Variants in SYCP1 observed in about 807,000 individuals in gnomAD.
SYCP1 encodes the protein synaptonemal complex protein 1, also known as cancer/testis antigen 8.
A neutral mutation model predicts 153.1 loss-of-function variants in SYCP1; 64 were observed. The observed-to-expected ratio is 0.42, with a 90% CI of 0.34 to 0.51. SYCP1 has a LOEUF of 0.51. Among genes scored for constraint, SYCP1 ranks in the 20% least tolerant of loss-of-function variants. The pLI, the probability that SYCP1 is intolerant of heterozygous loss-of-function variation, is 0.06. For missense variants in SYCP1, 997 were observed against 1,049.0 expected (o/e 0.95, Z 0.68); for synonymous variants, 384 against 341.8 (o/e 1.12, Z -1.36).
intron 12 of SYCP1, among the ~76,000 whole-genome samples, chr1:114,881,501 ATCCTTCCTTCCTTCCT>A (rs71093615): frequency 1.9e-5 from 2 of 102,624 alleles, no homozygotes; most frequent in African/African-American, 6.1e-5. Flanking sequence ...GGAAGGTATT[ATCCTTCCTTCCTTCCT>A]TCCTTCCTTC....
In SYCP1 at chr1:114,870,798, T is replaced by C. The variant is rs150127261; in HGVS notation, c.599-3708T>C. On this transcript the variant is annotated intron_variant, in intron 8 of 31. Coordinates refer to ENST00000369522, the MANE Select transcript of SYCP1 (RefSeq NM_003176.4). The stretch of plus-strand genomic sequence containing the variant: ...CTTATAGACAGCATGTAGTTGGGTA[T>C]TGTTTTTTGATCCACTCTGACAATC... Among the ~76,000 whole-genome samples, 1,103 of 152,338 alleles carry C rather than the reference T, an allele frequency of 7.2e-3. 13 individuals carry two copies. The highest frequency in any genetic ancestry group is 0.025 in the African/African-American group (1,041 of 41,566).
chr1:114,901,077 T>C (rs1296172232), intron 16 of SYCP1, among the ~76,000 whole-genome samples: 1 of 152,196 alleles, frequency 6.6e-6, no homozygotes, highest in African/African-American at 2.4e-5. Context: ...TTTAGAGACA[T>C]CACACATATG....
chr1:114,904,354 G>A (rs1202730274), intron 16 of SYCP1, among the ~76,000 whole-genome samples: 2 of 152,168 alleles, frequency 1.3e-5, no homozygotes, highest in East Asian at 1.9e-4. Context: ...CTGACCTTGT[G>A]ATCTGCCCAC....
intron 30 of SYCP1, among the ~76,000 whole-genome samples, chr1:114,993,086 A>T (rs1464726189): frequency 1.3e-5 from 2 of 151,578 alleles, no homozygotes; most frequent in East Asian, 3.9e-4. Flanking sequence ...TTTAAATTGA[A>T]TTAACTTATT....
intron 23 of SYCP1, among the ~76,000 whole-genome samples, chr1:114,928,462 A>G (rs1029917838): frequency 6.6e-6 from 1 of 152,196 alleles, no homozygotes; most frequent in Non-Finnish European, 1.5e-5. Context: ...AATGAAGACA[A>G]CATGACTTCA....
At chr1:114,863,177 G>GT (rs771967012) in intron 8 of SYCP1, 1 of 152,148 alleles carries the variant, frequency 6.6e-6, no homozygotes, top group Non-Finnish European at 1.5e-5. Flanking sequence ...GGGTCAAATG[G>GT]TATTTCTGGT....
chr1:114,875,448 A>G (rs1665454013), intron 9 of SYCP1, among the ~76,000 whole-genome samples: 1 of 151,112 alleles, frequency 6.6e-6, no homozygotes, highest in Non-Finnish European at 1.5e-5. Context: ...TTTAGTGGAG[A>G]CGGGGTTTCA....
chr1:114,910,184 C>T (rs1668085490), intron 16 of SYCP1: 3 of 321,688 alleles, frequency 9.3e-6, no homozygotes, highest in Admixed American at 5.2e-5. Context: ...TGTAACTAAA[C>T]AATTAATTAT....
intron 26 of SYCP1, 27 bp from the exon 27 acceptor site, chr1:114,947,219 C>T (rs774132368): frequency 1.3e-6 from 2 of 1,560,374 alleles, no homozygotes; most frequent in African/African-American, 1.4e-5. Flanking sequence ...GGAAGCTCTT[C>T]TAAACTTCAT....
rs757909827 is a variant in SYCP1, at chr1:114,947,270, G to A, written c.2272G>A (p.Ala758Thr). Reference sequence around the variant, plus strand: ...GGAGATTGAACTATCCAATCTCAAAGCTGAACTTTTGTCTGTTAAGAAGCA... The same window carrying A: ...GGAGATTGAACTATCCAATCTCAAAACTGAACTTTTGTCTGTTAAGAAGCA... ...SLEIELSNLKAELLSVKKQLE... is the reference protein window; with the variant it reads ...SLEIELSNLKTELLSVKKQLE... Residue 758 changes from alanine (A) to threonine (T), a missense_variant, in exon 27 of 32, where the codon GCT becomes ACT. Physicochemically the swap from Ala to Thr is moderately conservative, Grantham distance 58. This residue lies in a region of SYCP1 where 712 missense variants were observed against 682.9 expected (regional missense o/e 1.04). Coordinates refer to ENST00000369522, the MANE Select transcript of SYCP1 (RefSeq NM_003176.4). The A allele has an allele frequency of 9.3e-6, 15 of 1,612,732 alleles. No individual in the cohort carries two copies. The Admixed American group carries it at 2.0e-4, about 22-fold the overall frequency.
intron 27 of SYCP1, among the ~76,000 whole-genome samples, chr1:114,964,384 C>A (rs1293905931): frequency 2.6e-4 from 40 of 152,106 alleles, no homozygotes; most frequent in Non-Finnish European, 1.5e-5. Flanking sequence ...TTAATTAGAT[C>A]CCATTTGTCT....
intron 21 of SYCP1, among the ~76,000 whole-genome samples, chr1:114,925,874 G>A (rs1190217132): frequency 2.0e-5 from 3 of 151,952 alleles, no homozygotes; most frequent in Non-Finnish European, 4.4e-5. Context: ...TATATTAATG[G>A]TATACAAAGT....
chr1:114,892,915 C>G (rs1332431340), intron 15 of SYCP1, among the ~76,000 whole-genome samples: 1 of 152,030 alleles, frequency 6.6e-6, no homozygotes, highest in African/African-American at 2.4e-5. Flanking sequence ...GGGGCTATAG[C>G]TGCTTAGAAC....
At chr1:114,929,805 C>T (rs1469239279) in intron 23 of SYCP1, among the ~76,000 whole-genome samples, 4 of 151,976 alleles carry the variant, frequency 2.6e-5, no homozygotes, top group Non-Finnish European at 5.9e-5. Flanking sequence ...ACTATTAAAA[C>T]ATCTATAAGG....
chr1:114,868,846 T>C (rs1325759838), intron 8 of SYCP1, among the ~76,000 whole-genome samples: 3 of 152,234 alleles, frequency 2.0e-5, no homozygotes, highest in African/African-American at 4.8e-5. Context: ...GAATTGTTCA[T>C]AATATTTCTT....
chr1:114,931,947 A>G (rs1356238443), intron 23 of SYCP1, among the ~76,000 whole-genome samples: 1 of 152,204 alleles, frequency 6.6e-6, no homozygotes, highest in Non-Finnish European at 1.5e-5. Context: ...GATGCAAAAA[A>G]ATTCAATGGA....
At chr1:114,917,166 A>G (rs1668559910) in intron 20 of SYCP1, among the ~76,000 whole-genome samples, 1 of 152,052 alleles carries the variant, frequency 6.6e-6, no homozygotes, top group African/African-American at 2.4e-5. Flanking sequence ...AGCCCCTGGA[A>G]ACCCTCTTTC....
chr1:114,891,865 G>A (rs1472576542), intron 15 of SYCP1, among the ~76,000 whole-genome samples: 2 of 152,202 alleles, frequency 1.3e-5, no homozygotes, highest in African/African-American at 2.4e-5. Context: ...GTTCTCATGA[G>A]GTTTGCACTC....
intron 20 of SYCP1, among the ~76,000 whole-genome samples, chr1:114,921,655 A>C (rs962875318): frequency 2.0e-5 from 3 of 151,758 alleles, no homozygotes; most frequent in Admixed American, 6.6e-5. Context: ...TCTCAAAAAA[A>C]AAAAACAAAA....
Sources: allele counts gnomAD v4.1 joint callset (sites outside exome capture counted in the v4.1 genomes callset), GRCh38; gene constraint gnomAD v4.1.1; regional missense constraint gnomAD v4.1.1; transcripts MANE v1.5; gene names NCBI Gene and HGNC (gene_info 2026-07-23, HGNC 2026-07-21).